The following KCNQ3 variants were observed in gnomAD, a reference collection of about 807,000 sequenced individuals.
The protein encoded by KCNQ3 is potassium voltage-gated channel subfamily KQT member 3.
A neutral mutation model predicts 92.5 loss-of-function variants in KCNQ3; 30 were observed. That is an observed-to-expected ratio of 0.32 (90% CI 0.24 to 0.44). The LOEUF (loss-of-function observed/expected upper bound fraction) is 0.44. Among genes scored for constraint, KCNQ3 ranks in the 20% least tolerant of loss-of-function variants. KCNQ3 has a pLI of 1.00. For missense variants in KCNQ3, 913 were observed against 1,140.3 expected, an observed-to-expected ratio of 0.80 and a Z score of 2.87; for synonymous variants, 450 against 468.8, an observed-to-expected ratio of 0.96 and a Z score of 0.52.
chr8:132,285,574 G>A (rs765314765), intron 1 of KCNQ3, among the ~76,000 whole-genome samples: 1 of 152,212 alleles, frequency 6.6e-6, no homozygotes, highest in Admixed American at 6.5e-5. Flanking sequence ...AGAATACAGA[G>A]AAGCAGAGTG....
chr8:132,480,132 C>A lies in KCNQ3; in HGVS notation c.386+15G>T, dbSNP rs778486411. ...GCGCCGCCGCCGAGGGCGCCCCGAG[C>A]GGCCGGGTACTCACACCAACGCGTG... On this transcript the variant is annotated intron_variant, in intron 1 of 14. Transcript: ENST00000388996. 2.3e-5 allele frequency: 37 copies of A among 1,608,318 alleles called. No homozygotes were observed. The highest frequency in any genetic ancestry group is 2.9e-5 in the Non-Finnish European group (34 of 1,176,882).
chr8:132,355,898 G>A (rs1319732306), intron 1 of KCNQ3, among the ~76,000 whole-genome samples: 2 of 152,164 alleles, frequency 1.3e-5, no homozygotes, highest in African/African-American at 4.8e-5. Flanking sequence ...AAGATTGCAT[G>A]GATTCTCCAA....
At position 132,332,304 on chromosome 8, in the gene KCNQ3, C is replaced by T. The variant is rs540804181; in HGVS notation, c.387-146123G>A. On this transcript the variant is annotated intron_variant, in intron 1 of 14. Transcript: ENST00000388996. ...GAGACTACAGCCCCAGCAATAGCTC[C>T]GGAGAAACACATAAGAGACTTTGAG... 3.2e-4 allele frequency among the ~76,000 whole-genome samples: 48 copies of T among 152,170 alleles called. 1 individual carries two copies. In the Middle Eastern group the frequency reaches 0.014, roughly 43 times the overall value.
intron 1 of KCNQ3, among the ~76,000 whole-genome samples, chr8:132,229,038 G>A (rs1446959699): frequency 1.3e-5 from 2 of 152,116 alleles, no homozygotes; most frequent in Admixed American, 6.6e-5. Flanking sequence ...GATGGATCAC[G>A]AGGTCAAGAG....
chr8:132,178,120 G>C (rs1826629779), intron 4 of KCNQ3, among the ~76,000 whole-genome samples: 1 of 152,210 alleles, frequency 6.6e-6, no homozygotes, highest in African/African-American at 2.4e-5. Flanking sequence ...GAGGAACACA[G>C]GACAAGGGCC....
chr8:132,129,171 G>C lies in KCNQ3; in HGVS notation c.*91C>G, dbSNP rs576351355. On this transcript the variant is annotated 3_prime_UTR_variant, in exon 15 of 15. Transcript: ENST00000388996. This position sits in a 1 kb window ranked among gnomAD's most constrained non-coding sequence, Gnocchi z 5.9. ...CACGCATGCATTTGATGCAGCCATT[G>C]GTGTCCCCGCTGGTAAGCGTCGGGT... is the stretch of plus-strand genomic sequence containing the variant. 8.0e-5 allele frequency: 119 copies of C among 1,484,344 alleles called. 1 individual carries two copies. The African/African-American group carries it at 1.4e-3, about 17-fold the overall frequency. 91.9% of individuals were successfully genotyped at this position (1,484,344 alleles called of 1,614,324 possible).
Position 132,313,673 on chromosome 8 carries a change from G to A in KCNQ3, c.387-127492C>T, listed in dbSNP as rs141981765. Among the ~76,000 whole-genome samples the A allele has an allele frequency of 4.3e-3, 656 of 152,266 alleles. 2 individuals are homozygous for A. Among genetic ancestry groups the A allele is most frequent in the Non-Finnish European group, 6.3e-3 (427 of 68,016 alleles). On this transcript the variant is annotated intron_variant, in intron 1 of 14. Coordinates refer to ENST00000388996, the MANE Select transcript of KCNQ3 (RefSeq NM_004519.4). ...AGCTATGAGATGGGATCCAATTAAT[G>A]TTATTGACAAGATAAGTACCTATAT...
At chr8:132,398,689 C>T (rs1242234992) in intron 1 of KCNQ3, among the ~76,000 whole-genome samples, 2 of 152,114 alleles carry the variant, frequency 1.3e-5, no homozygotes, top group Non-Finnish European at 2.9e-5. Flanking sequence ...TTGGATGATG[C>T]TTACAGTGCA....
intron 14 of KCNQ3, among the ~76,000 whole-genome samples, chr8:132,131,880 G>T (rs1286859960): frequency 6.6e-6 from 1 of 152,130 alleles, no homozygotes; most frequent in Non-Finnish European, 1.5e-5. Flanking sequence ...CTGAGGTCAG[G>T]AGTTCGAGAC....
chr8:132,465,804 G>T (rs1329864136), intron 1 of KCNQ3, among the ~76,000 whole-genome samples: 3 of 151,594 alleles, frequency 2.0e-5, no homozygotes, highest in African/African-American at 7.3e-5. Context: ...TCAGCTACTT[G>T]GGAGGCTGAG....
chr8:132,132,273 A>G lies in KCNQ3; in HGVS notation c.1800-9T>C, dbSNP rs768877785. On this transcript the variant is annotated splice_polypyrimidine_tract_variant and intron_variant, in intron 13 of 14. Transcript: ENST00000388996. ...CTACATATGGTTCATTCCTAAGAAG[A>G]AGCGAACACTTCTATAAGATCATTA... 1.2e-6 allele frequency: 2 copies of G among 1,603,344 alleles called. No individual in the cohort carries two copies. The highest frequency in any genetic ancestry group is 1.7e-6 in the Non-Finnish European group (2 of 1,170,188).
chr8:132,371,912 G>A (rs1047489739), intron 1 of KCNQ3, among the ~76,000 whole-genome samples: 2 of 152,204 alleles, frequency 1.3e-5, no homozygotes, highest in Admixed American at 1.3e-4. Flanking sequence ...GCTGCGGCCT[G>A]TGATTGAATC....
chr8:132,233,328 T>G (rs1814701626), intron 1 of KCNQ3, among the ~76,000 whole-genome samples: 1 of 152,242 alleles, frequency 6.6e-6, no homozygotes, highest in Admixed American at 6.5e-5. Context: ...TCTGTTTTTA[T>G]TTTCCCTTGC....
At chr8:132,426,559 C>T (rs1374305247) in intron 1 of KCNQ3, among the ~76,000 whole-genome samples, 2 of 152,200 alleles carry the variant, frequency 1.3e-5, no homozygotes, top group Non-Finnish European at 2.9e-5. Flanking sequence ...TATCGATCTC[C>T]CCCGTCCAGT....
At position 132,141,222 on chromosome 8, in the gene KCNQ3, A is replaced by G. The variant is rs1825286504; in HGVS notation, c.1372T>C (p.Ser458Pro). ...AAGCCAACAGGCTTTGGTTCTTTAG[A>G]AGGACTTTCTTCTATGGCATCTACA... ...LNVDAIEESP[S>P]KEPKPVGLNN... Residue 458 changes from serine (S) to proline (P), a missense_variant, in exon 10 of 15, where the codon TCT (serine) becomes CCT (proline). By Grantham distance (74) the Ser-to-Pro change is moderately conservative. This residue lies in a region of KCNQ3 where 182 missense variants were observed against 234.5 expected (regional missense o/e 0.78). Coordinates refer to ENST00000388996, the MANE Select transcript of KCNQ3 (RefSeq NM_004519.4). The G allele has an allele frequency of 6.2e-7, 1 of 1,614,072 alleles. No individual in the cohort carries two copies. Among genetic ancestry groups the G allele is most frequent in the African/African-American group, 1.3e-5 (1 of 74,926 alleles).
intron 1 of KCNQ3, among the ~76,000 whole-genome samples, chr8:132,309,707 C>T (rs1817534885): frequency 1.3e-5 from 2 of 152,212 alleles, no homozygotes. Context: ...TTCACCAACA[C>T]AGAACTGGGT....
At chr8:132,461,450 A>C (rs374332543) in intron 1 of KCNQ3, among the ~76,000 whole-genome samples, 204 of 152,288 alleles carry the variant, frequency 1.3e-3, no homozygotes, top group African/African-American at 4.4e-3. Context: ...CTGTAATCCT[A>C]GCTACTCAGG....
intron 3 of KCNQ3, among the ~76,000 whole-genome samples, chr8:132,183,957 A>G (rs990649604): frequency 2.0e-5 from 3 of 152,118 alleles, no homozygotes; most frequent in African/African-American, 7.2e-5. Flanking sequence ...AATATCCTGC[A>G]ACCTGCTTGC....
intron 1 of KCNQ3, among the ~76,000 whole-genome samples, chr8:132,445,582 T>G (rs1821654151): frequency 3.3e-5 from 5 of 152,192 alleles, no homozygotes; most frequent in Admixed American, 3.3e-4. Flanking sequence ...AGTAAAGCCA[T>G]GAAGACATCT....
Sources: gnomAD v4.1 joint callset for allele counts (sites outside exome capture counted in the v4.1 genomes callset) on GRCh38, gnomAD v4.1.1 for gene constraint, gnomAD v4.1.1 regional missense constraint, Gnocchi (gnomAD v3.1) non-coding constraint, MANE v1.5 for transcripts, NCBI Gene and HGNC (gene_info 2026-07-23, HGNC 2026-07-21) for gene names.